CTNNA3: variants seen among roughly 807,000 people sequenced by gnomAD.
CTNNA3 encodes the protein catenin alpha 3, also known as catenin alpha-3.
In CTNNA3, 76 loss-of-function variants were observed where a neutral mutation model predicts 95.7. The ratio of observed to expected loss-of-function variants is 0.79; its 90% CI spans 0.66 to 0.96. The LOEUF is 0.96. Ranked by LOEUF, CTNNA3 falls within the 40% of genes least tolerant of loss-of-function variation. The probability of loss-of-function intolerance (pLI) is 0.00; values close to 1 mark genes in which losing one functional copy is unlikely to be tolerated. For missense variants in CTNNA3, 1,191 were observed against 1,089.8 expected (o/e 1.09, Z -1.31); for synonymous variants, 431 against 374.4 (o/e 1.15, Z -1.74).
chr10:66,679,368 T>TA (rs1846984051), intron 9 of CTNNA3, among the ~76,000 whole-genome samples: 1 of 152,210 alleles, frequency 6.6e-6, no homozygotes, highest in Non-Finnish European at 1.5e-5. Flanking sequence ...AACACTCGTG[T>TA]AAATACAAGA....
chr10:67,560,499 G>A (rs1351343138), intron 3 of CTNNA3, among the ~76,000 whole-genome samples: 3 of 152,130 alleles, frequency 2.0e-5, no homozygotes, highest in African/African-American at 7.2e-5. Flanking sequence ...ACTAAACATG[G>A]AAAGGAACAA....
At chr10:66,737,997 C>A (rs1021776480) in intron 9 of CTNNA3, among the ~76,000 whole-genome samples, 1 of 152,156 alleles carries the variant, frequency 6.6e-6, no homozygotes, top group African/African-American at 2.4e-5. Flanking sequence ...CTTCCCTGCA[C>A]TGAAGGATAT....
intron 1 of CTNNA3, among the ~76,000 whole-genome samples, chr10:67,729,045 G>A (rs538231639): frequency 1.8e-4 from 27 of 152,076 alleles, no homozygotes; most frequent in African/African-American, 6.3e-4. Context: ...GAATTTGAAG[G>A]CAGTCTAATT....
intron 13 of CTNNA3, among the ~76,000 whole-genome samples, chr10:66,128,342 A>G (rs1268624805): frequency 6.6e-6 from 1 of 152,176 alleles, no homozygotes; most frequent in Non-Finnish European, 1.5e-5. Flanking sequence ...AAACCTGCAC[A>G]TATATTTATA....
chr10:67,162,484 C>T (rs10822992), intron 7 of CTNNA3, among the ~76,000 whole-genome samples: 21,740 of 151,518 alleles, frequency 0.14, 2,136 homozygotes, highest in African/African-American at 0.28. Context: ...TATTGAAAGA[C>T]AACAGGAAAA....
intron 7 of CTNNA3, among the ~76,000 whole-genome samples, chr10:66,976,714 A>G (rs1034123363): frequency 2.6e-5 from 4 of 152,128 alleles, no homozygotes; most frequent in African/African-American, 9.7e-5. Context: ...CGTCAATACA[A>G]TTTTATTCTC....
At position 66,621,755 on chromosome 10, in the gene CTNNA3, T is replaced by G; in HGVS notation, c.1311A>C (p.Thr437=). Residue 437 remains threonine, a synonymous_variant, in exon 10 of 18, where the codon ACA becomes ACC. Coordinates refer to ENST00000433211, the MANE Select transcript of CTNNA3 (RefSeq NM_013266.4). ...TGACAATTTTAATTCCATCTTCATTTGTTGACATGGAACAAGCAAGATTTG... is the reference window on the plus strand; with the variant it reads ...TGACAATTTTAATTCCATCTTCATTGGTTGACATGGAACAAGCAAGATTTG... ...EVANLACSMS[T]NEDGIKIVKI... 1 of 1,611,880 alleles carries G rather than the reference T, an allele frequency of 6.2e-7. No individual in the cohort carries two copies. The highest frequency in any genetic ancestry group is 8.5e-7 in the Non-Finnish European group (1 of 1,179,026).
chr10:66,284,565 G>A (rs534130125), intron 12 of CTNNA3, among the ~76,000 whole-genome samples: 2 of 151,796 alleles, frequency 1.3e-5, no homozygotes, highest in Non-Finnish European at 2.9e-5. Context: ...TCTGGTAGTA[G>A]CCCAAAAATA....
chr10:66,735,228 T>C (rs1190982928), intron 9 of CTNNA3, among the ~76,000 whole-genome samples: 1 of 151,888 alleles, frequency 6.6e-6, no homozygotes, highest in African/African-American at 2.4e-5. Flanking sequence ...GTAATAATTA[T>C]AGAATTTTTG....
intron 5 of CTNNA3, among the ~76,000 whole-genome samples, chr10:67,368,377 T>TGCCGGGCGCG (rs1843293041): frequency 6.6e-6 from 1 of 152,148 alleles, no homozygotes; most frequent in South Asian, 2.1e-4. Context: ...TTGGCAAGGA[T>TGCCGGGCGCG]GTGGACCACT....
chr10:66,230,795 C>T (rs1163294510), intron 13 of CTNNA3, among the ~76,000 whole-genome samples: 1 of 152,014 alleles, frequency 6.6e-6, no homozygotes, highest in African/African-American at 2.4e-5. Context: ...GTCACTATGT[C>T]CTGAGGGCTG....
At chr10:67,404,510 A>G (rs1845056332) in intron 5 of CTNNA3, among the ~76,000 whole-genome samples, 1 of 152,092 alleles carries the variant, frequency 6.6e-6, no homozygotes, top group Admixed American at 6.6e-5. Context: ...AAATAGAGAA[A>G]AACAATGAAA....
intron 11 of CTNNA3, among the ~76,000 whole-genome samples, chr10:66,486,818 T>TAC (rs373131708): frequency 0.046 from 6,418 of 140,824 alleles, 145 homozygotes; most frequent in East Asian, 0.11. Flanking sequence ...GATGAACAAA[T>TAC]ACACACACAC....
intron 1 of CTNNA3, among the ~76,000 whole-genome samples, chr10:67,704,105 T>C (rs1341853396): frequency 2.6e-5 from 4 of 152,122 alleles, no homozygotes; most frequent in African/African-American, 4.8e-5. Context: ...AACTACAAAC[T>C]ACTGCTCAAT....
intron 7 of CTNNA3, among the ~76,000 whole-genome samples, chr10:66,806,810 A>G (rs1841668453): frequency 6.6e-6 from 1 of 151,576 alleles, no homozygotes; most frequent in Non-Finnish European, 1.5e-5. Flanking sequence ...ACATATATAC[A>G]CAATGTGGTA....
intron 16 of CTNNA3, among the ~76,000 whole-genome samples, chr10:65,986,511 G>A (rs1399568668): frequency 6.6e-6 from 1 of 151,212 alleles, no homozygotes; most frequent in Admixed American, 6.6e-5. Flanking sequence ...TATAACTAAA[G>A]AGGTGAAAAA....
chr10:67,570,154 C>T (rs7084080), intron 3 of CTNNA3, among the ~76,000 whole-genome samples: 15,651 of 151,800 alleles, frequency 0.1, 1,597 homozygotes, highest in African/African-American at 0.27. Context: ...TCCTGTGCTG[C>T]ATTCGACATT....
At chr10:67,719,269 T>G (rs1456469411) in intron 1 of CTNNA3, among the ~76,000 whole-genome samples, 1 of 152,176 alleles carries the variant, frequency 6.6e-6, no homozygotes, top group Non-Finnish European at 1.5e-5. Context: ...TTCATTGATT[T>G]TTGGAAGGGT....
In CTNNA3 at chr10:67,180,364, C is replaced by T. The variant is rs1195868563; in HGVS notation, c.1000G>A (p.Ala334Thr). 3.7e-6 allele frequency: 6 copies of T among 1,613,608 alleles called. No homozygotes were observed. Among genetic ancestry groups the T allele is most frequent in the Middle Eastern group, 1.7e-4 (1 of 6,056 alleles). Residue 334 changes from alanine (A) to threonine (T), a missense_variant, in exon 7 of 18, where the codon GCC (alanine) becomes ACC (threonine). Ala to Thr is a moderately conservative substitution (Grantham distance 58). Coordinates refer to ENST00000433211, the MANE Select transcript of CTNNA3 (RefSeq NM_013266.4). ...AGATCCTGAAGAGCCTGGCGAATGG[C>T]GTTGCATTCTGCGATAATCCGCTCT... ...HRERIIAECN[A>T]IRQALQDLLS...
Sources: gnomAD v4.1 joint callset for allele counts (sites outside exome capture counted in the v4.1 genomes callset) on GRCh38, gnomAD v4.1.1 for gene constraint, MANE v1.5 for transcripts, NCBI Gene and HGNC (gene_info 2026-07-23, HGNC 2026-07-21) for gene names.